The following MRI1 variants were observed in gnomAD, a reference collection of about 807,000 sequenced individuals.
The protein encoded by MRI1 is methylthioribose-1-phosphate isomerase.
MRI1 carries 32 observed loss-of-function variants against 27.3 expected under a neutral mutation model. The observed-to-expected ratio is 1.17, with a 90% CI of 0.88 to 1.57. MRI1 has a LOEUF of 1.57. Among genes scored for constraint, MRI1 ranks in the 40% most tolerant of loss-of-function variants. The pLI is 0.00. For missense variants in MRI1, 508 were observed against 516.1 expected, an observed-to-expected ratio of 0.98 and a Z score of 0.15; for synonymous variants, 216 against 227.4, an observed-to-expected ratio of 0.95 and a Z score of 0.45.
Position 13,765,103 on chromosome 19 carries a change from G to C in MRI1, c.365G>C (p.Arg122Pro). The C allele has an allele frequency of 6.5e-7, 1 of 1,532,060 alleles. No individual in the cohort carries two copies. Among genetic ancestry groups the C allele is most frequent in the Non-Finnish European group, 8.7e-7 (1 of 1,144,630 alleles). 94.9% of individuals were successfully genotyped at this position (1,532,060 alleles called of 1,614,324 possible). A position where few individuals can be genotyped will look rare whatever the true frequency, so the allele number is the denominator to read the frequency against. ...GAGGGCGCTACGGAAGAGGCGGTCC[G>C]GGAGAGGTACGGGGATCTGGTACCA... ...EREGATEEAVRERVICCTEDM... is the reference protein window; with the variant it reads ...EREGATEEAVPERVICCTEDM... Residue 122 changes from arginine (R) to proline (P), a missense_variant, in exon 2 of 6, where the codon CGG becomes CCG. Arg to Pro is a moderately radical substitution (Grantham distance 103). Coordinates refer to ENST00000040663, the MANE Select transcript of MRI1 (RefSeq NM_001031727.4).
rs759930935 is a variant in MRI1, at chr19:13,768,927, C to T, written c.828C>T (p.Phe276=). 5.6e-6 allele frequency: 9 copies of T among 1,614,046 alleles called. No homozygotes were observed. In the Admixed American group the frequency reaches 1.5e-4, roughly 27 times the overall value. Residue 276 remains phenylalanine, a synonymous_variant, in exon 5 of 6, where the codon TTC becomes TTT. Transcript: ENST00000040663. ...TCGCCAAGCACCATGGCATTCCCTT[C>T]TACGTGGCTGCCCCCAGCTCTTCAT... ...AIVAKHHGIP[F]YVAAPSSSCD... is the part of the protein sequence containing the mutation.
intron 5 of MRI1, 22 bp from the exon 6 acceptor site, chr19:13,772,099 G>T: frequency 6.3e-7 from 1 of 1,581,612 alleles, no homozygotes; most frequent in South Asian, 1.1e-5. Flanking sequence ...TTGCCTCCTT[G>T]CCTCCCCTCT....
chr19:13,769,142 C>A, intron 5 of MRI1, 94 bp downstream of exon 5: 1 of 1,057,612 alleles, frequency 9.5e-7, no homozygotes, highest in South Asian at 1.6e-5. Flanking sequence ...CTGGAACATA[C>A]ACAGCTCCTA....
intron 5 of MRI1, among the ~76,000 whole-genome samples, chr19:13,770,654 C>G (rs939180865): frequency 6.6e-6 from 1 of 151,618 alleles, no homozygotes; most frequent in African/African-American, 2.4e-5. Context: ...GAAGCCGAGG[C>G]GGGCGGATCA....
rs1161584156 is a variant in MRI1, at chr19:13,767,037, ATTTTTTTTTTTTTTTT to A, written c.547+922_547+937del. 9.0e-3 allele frequency among the ~76,000 whole-genome samples: 190 copies of A among 21,132 alleles called. 1 individual carries two copies. Among genetic ancestry groups the A allele is most frequent in the African/African-American group, 0.033 (187 of 5,654 alleles). 13.9% of individuals were successfully genotyped at this position (21,132 alleles called of 152,430 possible). A position where few individuals can be genotyped will look rare whatever the true frequency, so the allele number is the denominator to read the frequency against. On this transcript the variant is annotated intron_variant, in intron 3 of 5. Coordinates refer to ENST00000040663, the MANE Select transcript of MRI1 (RefSeq NM_001031727.4). ...TATATATATATATATATATATATAT[ATTTTTTTTTTTTTTTT>A]TTTTTTTTTTTTTGAGACAGAGTCT... is the stretch of plus-strand genomic sequence containing the variant.
rs191268733 is a variant in MRI1, at chr19:13,765,028, C to G, written c.290C>G (p.Ala97Gly). The change falls in exon 2 of 6, where the codon GCC becomes GGC. Residue 97 changes from alanine to glycine, a missense_variant. By Grantham distance (60) the Ala-to-Gly change is moderately conservative. Transcript: ENST00000040663. Reference protein sequence around the residue: ...VTARPTAVNMARAARDLADVA... With the variant: ...VTARPTAVNMGRAARDLADVA... ...GCCCGGCCCACCGCTGTCAACATGGCCCGCGCCGCCCGCGACCTGGCTGAT... is the reference window on the plus strand; with the variant it reads ...GCCCGGCCCACCGCTGTCAACATGGGCCGCGCCGCCCGCGACCTGGCTGAT... The G allele has an allele frequency of 5.2e-5, 80 of 1,524,620 alleles. No homozygotes were observed. In the East Asian group the frequency reaches 9.7e-4, roughly 18 times the overall value. The allele number at this position is 1,524,620 out of a possible 1,614,324, so 94.4% of individuals were successfully genotyped here.
At chr19:13,770,120 C>T (rs1974238906) in intron 5 of MRI1, among the ~76,000 whole-genome samples, 1 of 152,106 alleles carries the variant, frequency 6.6e-6, no homozygotes, top group African/African-American at 2.4e-5. Context: ...TTCTTAGCTG[C>T]CTATACTTCC....
chr19:13,767,006 C>CATATATATATATATATATATAT (rs1491354474), intron 3 of MRI1, among the ~76,000 whole-genome samples: 1 of 69,562 alleles, frequency 1.4e-5, no homozygotes, highest in Non-Finnish European at 2.6e-5. Flanking sequence ...TATGCACATC[C>CATATATATATATATATATATAT]ACATATATAT....
At position 13,764,547 on chromosome 19, in the gene MRI1, C is replaced by G. The variant is rs1346724011; in HGVS notation, c.-42C>G. 6.3e-7 allele frequency: 1 copy of G among 1,594,734 alleles called. No individual in the cohort carries two copies. The highest frequency in any genetic ancestry group is 1.1e-5 in the South Asian group (1 of 90,916). ...GCCCCGCTCCCAAGTGCGCGCGGAC[C>G]CCTAGCTCCCTCTGAGTTGCGCTGG... On this transcript the variant is annotated 5_prime_UTR_variant, in exon 1 of 6. Transcript: ENST00000040663.
At position 13,768,222 on chromosome 19, in the gene MRI1, G is replaced by T. The variant is rs116609813; in HGVS notation, c.548-339G>T. 1,246 of 678,512 alleles carry T rather than the reference G, an allele frequency of 1.8e-3. 11 individuals are homozygous for T. The African/African-American group carries it at 0.02, about 11-fold the overall frequency. 42.0% of individuals were successfully genotyped at this position (678,512 alleles called of 1,614,324 possible). A position where few individuals can be genotyped will look rare whatever the true frequency, so the allele number is the denominator to read the frequency against. On this transcript the variant is annotated intron_variant, in intron 3 of 5. Transcript: ENST00000040663. ...CATGGATGGAGAACCCATAGAAAAGGGGGGCTGCCTGTACACATGAGGTGT... is the reference window on the plus strand; with the variant it reads ...CATGGATGGAGAACCCATAGAAAAGTGGGGCTGCCTGTACACATGAGGTGT...
chr19:13,764,593 C>T lies in MRI1; in HGVS notation c.5C>T (p.Thr2Ile). ...GCTGGGCTTGGCTGCTGCACCATGA[C>T]CCTGGAGGCGATCCGCTACTCGCGG... M[T>I]LEAIRYSRGS... Residue 2 changes from threonine to isoleucine, a missense_variant, in exon 1 of 6, where the codon ACC (threonine) becomes ATC (isoleucine). By Grantham distance (89) the Thr-to-Ile change is moderately conservative. Coordinates refer to ENST00000040663, the MANE Select transcript of MRI1 (RefSeq NM_001031727.4). 8 of 1,608,796 alleles carry T rather than the reference C, an allele frequency of 5.0e-6. No homozygotes were observed. Among genetic ancestry groups the T allele is most frequent in the South Asian group, 2.2e-5 (2 of 91,022 alleles).
intron 2 of MRI1, 128 bp downstream of exon 2, chr19:13,765,237 A>G: frequency 1.4e-6 from 1 of 735,372 alleles, no homozygotes; most frequent in South Asian, 2.7e-5. Context: ...CCAGGGCCCC[A>G]CAGATGGGGA....
At position 13,768,575 on chromosome 19, in the gene MRI1, C is replaced by A; in HGVS notation, c.562C>A (p.Leu188Met). The A allele has an allele frequency of 6.2e-7, 1 of 1,608,100 alleles. No individual in the cohort carries two copies. Among genetic ancestry groups the A allele is most frequent in the Non-Finnish European group, 8.5e-7 (1 of 1,177,814 alleles). Residue 188 changes from leucine (L) to methionine (M), a missense_variant, in exon 4 of 6, where the codon CTG (leucine) becomes ATG (methionine). Leu to Met is a conservative substitution (Grantham distance 15, BLOSUM62 2). This residue lies in a region of MRI1 where 457 missense variants were observed against 452.8 expected (regional missense o/e 1.01). Transcript: ENST00000040663. ...YGTALGVIRS[L>M]HSLGRLEHAF... ...GGCCCCCGCAGGTGTGATTCGCTCACTGCACAGCCTGGGCCGCCTGGAGCA... is the reference window on the plus strand; with the variant it reads ...GGCCCCCGCAGGTGTGATTCGCTCAATGCACAGCCTGGGCCGCCTGGAGCA...
chr19:13,766,143 C>T lies in MRI1; in HGVS notation c.547+14C>T, dbSNP rs773712259. The T allele has an allele frequency of 3.3e-6, 5 of 1,519,908 alleles. No homozygotes were observed. Among genetic ancestry groups the T allele is most frequent in the Middle Eastern group, 1.8e-4 (1 of 5,600 alleles). 94.2% of individuals were successfully genotyped at this position (1,519,908 alleles called of 1,614,324 possible). Reference sequence around the variant, plus strand: ...GTACAGCCCTAGGTGAGAGGGCCTCCTCAGGGGGTAGGGGAGGGCCTTCTA... The same window carrying T: ...GTACAGCCCTAGGTGAGAGGGCCTCTTCAGGGGGTAGGGGAGGGCCTTCTA... On this transcript the variant is annotated intron_variant, in intron 3 of 5. Coordinates refer to ENST00000040663, the MANE Select transcript of MRI1 (RefSeq NM_001031727.4).
chr19:13,766,186 AAG>A, intron 3 of MRI1, 57 bp downstream of exon 3: 8 of 1,452,954 alleles, frequency 5.5e-6, no homozygotes, highest in Non-Finnish European at 7.3e-6. Context: ...TTTTAGATAC[AAG>A]AGAAAGAATC....
intron 3 of MRI1, among the ~76,000 whole-genome samples, chr19:13,767,267 G>A (rs1019334988): frequency 6.6e-5 from 10 of 151,562 alleles, no homozygotes; most frequent in Non-Finnish European, 1.2e-4. Flanking sequence ...GGCTGGTCTC[G>A]AACTTCTGAC....
At chr19:13,765,131 C>G (rs1974092689) in intron 2 of MRI1, 22 bp downstream of exon 2, 2 of 1,499,674 alleles carry the variant, frequency 1.3e-6, no homozygotes, top group African/African-American at 2.8e-5. Flanking sequence ...TGGTACCAGG[C>G]ACGGCGCTGA....
In MRI1 at chr19:13,772,354, C is replaced by A; in HGVS notation, c.*73C>A. The stretch of plus-strand genomic sequence containing the variant: ...TCTTGAATGGCTACCCAAAAGCTGA[C>A]CGTCCAGCCCCTGACCACACTTGTT... On this transcript the variant is annotated 3_prime_UTR_variant, in exon 6 of 6. Coordinates refer to ENST00000040663, the MANE Select transcript of MRI1 (RefSeq NM_001031727.4). 7 of 1,439,558 alleles carry A rather than the reference C, an allele frequency of 4.9e-6. No homozygotes were observed. The highest frequency in any genetic ancestry group is 6.6e-6 in the Non-Finnish European group (7 of 1,054,286). 89.2% of individuals were successfully genotyped at this position (1,439,558 alleles called of 1,614,324 possible).
intron 2 of MRI1, 46 bp from the exon 3 acceptor site, chr19:13,765,908 G>A (rs766505672): frequency 1.3e-5 from 20 of 1,546,386 alleles, no homozygotes; most frequent in Non-Finnish European, 1.7e-5. Context: ...GTTGGCCTGG[G>A]CCCCGGGTCC....
Sources: gnomAD v4.1 joint callset for allele counts (sites outside exome capture counted in the v4.1 genomes callset) on GRCh38, gnomAD v4.1.1 for gene constraint, gnomAD v4.1.1 regional missense constraint, MANE v1.5 for transcripts, NCBI Gene and HGNC (gene_info 2026-07-23, HGNC 2026-07-21) for gene names.